The following NKAIN2 variants were observed in gnomAD, a reference collection of about 807,000 sequenced individuals.
NKAIN2 encodes sodium/potassium-transporting ATPase subunit beta-1-interacting protein 2.
Under a neutral mutation model 32.6 loss-of-function variants are expected in NKAIN2, and 14 were observed. The ratio of observed to expected loss-of-function variants is 0.43; its 90% CI spans 0.28 to 0.67. The LOEUF is 0.67. NKAIN2 is among the 30% of genes least tolerant of loss of function. The pLI, the probability that NKAIN2 is intolerant of heterozygous loss-of-function variation, is 0.17. For synonymous variants in NKAIN2, 80 were observed against 87.2 expected, an observed-to-expected ratio of 0.92 and a Z score of 0.46; for missense variants, 198 against 258.3, an observed-to-expected ratio of 0.77 and a Z score of 1.60.
chr6:124,714,673 A>C (rs2114614955), intron 4 of NKAIN2, among the ~76,000 whole-genome samples: 1 of 152,306 alleles, frequency 6.6e-6, no homozygotes, highest in Middle Eastern at 3.4e-3. Flanking sequence ...TTACAGATCT[A>C]ATTTTCATCT....
At chr6:123,858,219 G>A (rs370691028) in intron 1 of NKAIN2, among the ~76,000 whole-genome samples, 1 of 151,792 alleles carries the variant, frequency 6.6e-6, no homozygotes, top group Non-Finnish European at 1.5e-5. Flanking sequence ...GGGTTCAAGC[G>A]ATTCTCCTGC....
intron 1 of NKAIN2, among the ~76,000 whole-genome samples, chr6:124,104,464 T>A (rs1044957141): frequency 6.6e-6 from 1 of 152,212 alleles, no homozygotes; most frequent in East Asian, 1.9e-4. Flanking sequence ...AAGTGAAGAA[T>A]ATCTTTTTCA....
rs1265208564 is a variant in NKAIN2, at chr6:124,033,378, C to T, written c.54+229124C>T. Among the ~76,000 whole-genome samples, 3 of 151,976 alleles carry T rather than the reference C, an allele frequency of 2.0e-5. No individual in the cohort carries two copies. In the East Asian group the frequency reaches 5.8e-4, roughly 29 times the overall value. On this transcript the variant is annotated intron_variant, in intron 1 of 6. Coordinates refer to ENST00000368417, the MANE Select transcript of NKAIN2 (RefSeq NM_001040214.3). ...TTTGCCCTCTTCTTACTAATTATAA[C>T]ACTTAAAAGATATTATTTAAAATAA...
chr6:124,470,176 T>A (rs925643747), intron 3 of NKAIN2, among the ~76,000 whole-genome samples: 2 of 151,984 alleles, frequency 1.3e-5, no homozygotes, highest in African/African-American at 4.8e-5. Flanking sequence ...GTGACAAGGA[T>A]GAGGAACCAA....
chr6:124,022,247 G>A (rs1459923250), intron 1 of NKAIN2, among the ~76,000 whole-genome samples: 1 of 152,098 alleles, frequency 6.6e-6, no homozygotes, highest in Non-Finnish European at 1.5e-5. Flanking sequence ...TGGCTGCATA[G>A]TATTCCATGG....
intron 3 of NKAIN2, among the ~76,000 whole-genome samples, chr6:124,612,860 T>C (rs1456330199): frequency 6.6e-6 from 1 of 152,164 alleles, no homozygotes; most frequent in Non-Finnish European, 1.5e-5. Context: ...GTGGTTATTA[T>C]CTATTATTTG....
intron 1 of NKAIN2, among the ~76,000 whole-genome samples, chr6:123,992,406 A>G (rs1779448069): frequency 6.6e-6 from 1 of 152,168 alleles, no homozygotes; most frequent in South Asian, 2.1e-4. Flanking sequence ...GAAGTTAAAT[A>G]CAATAGAGAA....
At chr6:124,141,990 T>C (rs1397973305) in intron 1 of NKAIN2, among the ~76,000 whole-genome samples, 1 of 152,192 alleles carries the variant, frequency 6.6e-6, no homozygotes, top group Admixed American at 6.5e-5. Flanking sequence ...GCTCAGAAAA[T>C]AATTTCCCAT....
intron 1 of NKAIN2, among the ~76,000 whole-genome samples, chr6:123,950,424 G>A (rs146882562): frequency 0.025 from 3,855 of 151,998 alleles, 115 homozygotes; most frequent in Admixed American, 0.093. Flanking sequence ...AAGCAATCTG[G>A]TCTTAGACTT....
intron 1 of NKAIN2, among the ~76,000 whole-genome samples, chr6:124,234,438 T>C (rs1454068230): frequency 6.6e-6 from 1 of 152,120 alleles, no homozygotes; most frequent in East Asian, 1.9e-4. Context: ...GTGAAACCAC[T>C]AGGGAGCTCA....
chr6:124,769,838 C>G (rs1414312711), intron 4 of NKAIN2, among the ~76,000 whole-genome samples: 2 of 152,138 alleles, frequency 1.3e-5, no homozygotes, highest in African/African-American at 4.8e-5. Flanking sequence ...AGATTCATGA[C>G]TTGAGAAGAT....
At chr6:124,187,143 G>A (rs967418930) in intron 1 of NKAIN2, among the ~76,000 whole-genome samples, 1 of 152,068 alleles carries the variant, frequency 6.6e-6, no homozygotes, top group African/African-American at 2.4e-5. Flanking sequence ...TCTCAGTTCA[G>A]TGGAGTCTTT....
intron 1 of NKAIN2, among the ~76,000 whole-genome samples, chr6:123,838,589 C>T (rs898965708): frequency 3.9e-5 from 6 of 152,140 alleles, no homozygotes; most frequent in African/African-American, 9.6e-5. Context: ...TGAAAAATAC[C>T]TAATATATTG....
intron 3 of NKAIN2, among the ~76,000 whole-genome samples, chr6:124,532,519 C>G (rs1779562045): frequency 6.6e-6 from 1 of 152,114 alleles, no homozygotes; most frequent in Non-Finnish European, 1.5e-5. Flanking sequence ...CCAGTCTACT[C>G]TTATTGACAG....
At chr6:124,740,606 A>G (rs1465468496) in intron 4 of NKAIN2, among the ~76,000 whole-genome samples, 1 of 151,646 alleles carries the variant, frequency 6.6e-6, no homozygotes, top group Admixed American at 6.6e-5. Flanking sequence ...CAGGACTTAA[A>G]TGAAGTGATA....
At chr6:124,053,788 C>A (rs1259860528) in intron 1 of NKAIN2, among the ~76,000 whole-genome samples, 7 of 151,996 alleles carry the variant, frequency 4.6e-5, no homozygotes, top group Non-Finnish European at 8.8e-5. Context: ...ACATATATAT[C>A]CAAGAATCAT....
chr6:124,062,292 T>C (rs924595040), intron 1 of NKAIN2, among the ~76,000 whole-genome samples: 5 of 152,178 alleles, frequency 3.3e-5, no homozygotes, highest in South Asian at 2.1e-4. Flanking sequence ...ACCCCCAGTA[T>C]AGGACATTTT....
At chr6:124,522,971 G>A (rs1779171783) in intron 3 of NKAIN2, among the ~76,000 whole-genome samples, 1 of 149,278 alleles carries the variant, frequency 6.7e-6, no homozygotes, top group Non-Finnish European at 1.5e-5. Context: ...GTGAAACCCC[G>A]TCTCTACTAA....
chr6:124,705,983 T>C (rs1012443597), intron 4 of NKAIN2, among the ~76,000 whole-genome samples: 4 of 152,008 alleles, frequency 2.6e-5, no homozygotes, highest in African/African-American at 9.7e-5. Flanking sequence ...ATTATGTTTT[T>C]TGAGAGATTG....
Sources: gnomAD v4.1 joint callset for allele counts (sites outside exome capture counted in the v4.1 genomes callset) on GRCh38, gnomAD v4.1.1 for gene constraint, MANE v1.5 for transcripts, NCBI Gene and HGNC (gene_info 2026-07-23, HGNC 2026-07-21) for gene names.